The following SIPA1L1 variants were observed in gnomAD, a reference collection of about 807,000 sequenced individuals.
The protein encoded by SIPA1L1 is signal induced proliferation associated 1 like 1, also known as signal-induced proliferation-associated 1-like protein 1.
Under a neutral mutation model 162.7 loss-of-function variants are expected in SIPA1L1, and 26 were observed. That is an observed-to-expected ratio of 0.16 (90% CI 0.12 to 0.22). The LOEUF (loss-of-function observed/expected upper bound fraction) is 0.22, where lower values mean the gene tolerates loss of function less well. Ranked by LOEUF, SIPA1L1 falls within the 10% of genes least tolerant of loss-of-function variation. The pLI, the probability that SIPA1L1 is intolerant of heterozygous loss-of-function variation, is 1.00. For synonymous variants in SIPA1L1, 829 were observed against 837.4 expected, an observed-to-expected ratio of 0.99 and a Z score of 0.17; for missense variants, 1,874 against 2,241.0, an observed-to-expected ratio of 0.84 and a Z score of 3.31.
chr14:71,618,754 A>G lies in SIPA1L1; in HGVS notation c.1499-3A>G. On this transcript the variant is annotated splice_region_variant and splice_polypyrimidine_tract_variant and intron_variant, in intron 5 of 23. Coordinates refer to ENST00000381232, the MANE Select transcript of SIPA1L1 (RefSeq NM_001386936.1). ...AACTTTGTTTTGTCTTATTTTACCTAAGAACACTGGAACTATTTTGGGGCT... is the reference window on the plus strand; with the variant it reads ...AACTTTGTTTTGTCTTATTTTACCTGAGAACACTGGAACTATTTTGGGGCT... 6.2e-7 allele frequency: 1 copy of G among 1,612,282 alleles called. No homozygotes were observed. Among genetic ancestry groups the G allele is most frequent in the Admixed American group, 1.7e-5 (1 of 59,736 alleles).
chr14:71,518,989 A>G (rs957365750), intron 3 of SIPA1L1, among the ~76,000 whole-genome samples: 1 of 152,178 alleles, frequency 6.6e-6, no homozygotes, highest in Admixed American at 6.5e-5. Flanking sequence ...ACTCACTATC[A>G]CAACAATAGC....
At chr14:71,719,485 G>A (rs901826141) in intron 17 of SIPA1L1, among the ~76,000 whole-genome samples, 2 of 152,176 alleles carry the variant, frequency 1.3e-5, no homozygotes, top group African/African-American at 4.8e-5. Flanking sequence ...TGGTAGGTGT[G>A]TAATGGTCCT....
intron 16 of SIPA1L1, 144 bp from the exon 17 acceptor site, chr14:71,709,078 C>T (rs904326712): frequency 1.6e-6 from 1 of 633,266 alleles, no homozygotes; most frequent in Non-Finnish European, 2.7e-6. Flanking sequence ...GACATAGGTT[C>T]CCTGTCTTAC....
At chr14:71,694,344 C>T (rs2081467415) in intron 13 of SIPA1L1, among the ~76,000 whole-genome samples, 1 of 152,074 alleles carries the variant, frequency 6.6e-6, no homozygotes, top group Non-Finnish European at 1.5e-5. Context: ...TGTCCAACCC[C>T]TTCAACTCTC....
At chr14:71,357,090 G>A (rs2037350015) in intron 2 of SIPA1L1, among the ~76,000 whole-genome samples, 2 of 152,092 alleles carry the variant, frequency 1.3e-5, no homozygotes, top group Non-Finnish European at 2.9e-5. Flanking sequence ...GTCTTACTCT[G>A]GTCTCCTAGG....
chr14:71,560,856 G>C (rs985268140), intron 4 of SIPA1L1, among the ~76,000 whole-genome samples: 2 of 152,120 alleles, frequency 1.3e-5, no homozygotes, highest in Admixed American at 6.5e-5. Flanking sequence ...GAATAAATTA[G>C]GGATTTTTTT....
chr14:71,341,678 C>T (rs916674410), intron 2 of SIPA1L1, among the ~76,000 whole-genome samples: 1 of 152,100 alleles, frequency 6.6e-6, no homozygotes, highest in African/African-American at 2.4e-5. Flanking sequence ...CTAGTAGTTC[C>T]AGTGTCTATT....
chr14:71,465,617 T>C (rs1164148251), intron 2 of SIPA1L1, among the ~76,000 whole-genome samples: 1 of 152,208 alleles, frequency 6.6e-6, no homozygotes, highest in Non-Finnish European at 1.5e-5. Context: ...CATTTTCTTA[T>C]TAAGCAGCCA....
chr14:71,464,369 A>G (rs1007225141), intron 2 of SIPA1L1, among the ~76,000 whole-genome samples: 1 of 152,196 alleles, frequency 6.6e-6, no homozygotes, highest in Non-Finnish European at 1.5e-5. Context: ...CCGGCCAGGC[A>G]TGGCAGCTCA....
At chr14:71,546,837 G>A (rs1310882495) in intron 4 of SIPA1L1, among the ~76,000 whole-genome samples, 1 of 152,154 alleles carries the variant, frequency 6.6e-6, no homozygotes, top group East Asian at 1.9e-4. Context: ...GGAAGGAATG[G>A]ACATCTCACT....
intron 2 of SIPA1L1, among the ~76,000 whole-genome samples, chr14:71,442,366 A>G (rs1371532772): frequency 1.3e-5 from 2 of 152,074 alleles, no homozygotes; most frequent in Non-Finnish European, 2.9e-5. Flanking sequence ...AGCCCAGAGT[A>G]TAGATGGAAG....
chr14:71,579,489 C>T (rs920770270), intron 4 of SIPA1L1, among the ~76,000 whole-genome samples: 4 of 152,100 alleles, frequency 2.6e-5, no homozygotes, highest in African/African-American at 7.2e-5. Context: ...TGTGAGGAAA[C>T]GAAATGGGTG....
At chr14:71,522,263 A>G (rs1347872521) in intron 3 of SIPA1L1, among the ~76,000 whole-genome samples, 1 of 151,854 alleles carries the variant, frequency 6.6e-6, no homozygotes, top group African/African-American at 2.4e-5. Context: ...ATTGTTTTTT[A>G]TTTAGTGGTC....
chr14:71,647,615 AGATTGCTT>A (rs2149032276), intron 7 of SIPA1L1, among the ~76,000 whole-genome samples: 1 of 152,276 alleles, frequency 6.6e-6, no homozygotes, highest in South Asian at 2.1e-4. Context: ...TCCTGTCTAC[AGATTGCTT>A]GATCTTTTTG....
chr14:71,536,352 C>T (rs2053904964), intron 4 of SIPA1L1, among the ~76,000 whole-genome samples: 1 of 152,176 alleles, frequency 6.6e-6, no homozygotes, highest in African/African-American at 2.4e-5. Flanking sequence ...CAGAAGCTTT[C>T]TCTATGAGCA....
intron 2 of SIPA1L1, among the ~76,000 whole-genome samples, chr14:71,511,214 G>A (rs779792021): frequency 3.3e-5 from 5 of 152,092 alleles, no homozygotes; most frequent in Non-Finnish European, 7.4e-5. Context: ...TCTGACCTGG[G>A]TTCCTGGCAC....
intron 5 of SIPA1L1, among the ~76,000 whole-genome samples, chr14:71,618,171 G>A (rs933041220): frequency 2.6e-5 from 4 of 152,186 alleles, no homozygotes; most frequent in African/African-American, 4.8e-5. Flanking sequence ...GTGGGATACC[G>A]TGCTATGGCC....
chr14:71,416,246 T>C (rs533055387), intron 2 of SIPA1L1: 5 of 152,300 alleles, frequency 3.3e-5, no homozygotes, highest in Admixed American at 6.5e-5. Flanking sequence ...ATCTAACACA[T>C]GCCTAAAAAG....
chr14:71,375,015 GCTTT>G (rs1392103988), intron 2 of SIPA1L1, among the ~76,000 whole-genome samples: 3 of 152,064 alleles, frequency 2.0e-5, no homozygotes, highest in Non-Finnish European at 2.9e-5. Context: ...TATTTGCTTA[GCTTT>G]CTATTTATCA....
Sources: gnomAD v4.1 joint callset for allele counts (sites outside exome capture counted in the v4.1 genomes callset) on GRCh38, gnomAD v4.1.1 for gene constraint, MANE v1.5 for transcripts, NCBI Gene and HGNC (gene_info 2026-07-23, HGNC 2026-07-21) for gene names.